The following PTPN2 variants were observed in gnomAD, a reference collection of about 807,000 sequenced individuals.
The protein encoded by PTPN2 is protein tyrosine phosphatase non-receptor type 2.
A neutral mutation model predicts 57.3 loss-of-function variants in PTPN2; 19 were observed. The observed-to-expected ratio is 0.33, with a 90% confidence interval of 0.23 to 0.49. PTPN2 has a LOEUF of 0.49. Among genes scored for constraint, PTPN2 ranks in the 20% least tolerant of loss-of-function variants. PTPN2 has a pLI of 0.99. For missense variants in PTPN2, 358 were observed against 501.1 expected, an observed-to-expected ratio of 0.71 and a Z score of 2.73; for synonymous variants, 153 against 164.9, an observed-to-expected ratio of 0.93 and a Z score of 0.55.
At chr18:12,851,217 C>T (rs1275024244) in intron 2 of PTPN2, among the ~76,000 whole-genome samples, 134 of 8,820 alleles carry the variant, frequency 0.015, 57 homozygotes, top group Non-Finnish European at 0.063. Context: ...CGGTGGCTCA[C>T]GCCTGTAATC....
At chr18:12,816,128 G>C (rs960602099) in intron 6 of PTPN2, among the ~76,000 whole-genome samples, 2 of 152,078 alleles carry the variant, frequency 1.3e-5, no homozygotes, top group African/African-American at 2.4e-5. Context: ...AGATAGTGAG[G>C]CCTTGTCTCT....
Position 12,851,485 on chromosome 18 carries a change from C to CAAAAA in PTPN2, c.160+7674_160+7678dup, listed in dbSNP as rs1218202992. 1.6e-3 allele frequency among the ~76,000 whole-genome samples: 16 copies of CAAAAA among 9,910 alleles called. 5 individuals are homozygous for CAAAAA. In the East Asian group the frequency reaches 0.024, roughly 15 times the overall value. 6.5% of individuals were successfully genotyped at this position (9,910 alleles called of 152,430 possible). A position where few individuals can be genotyped will look rare whatever the true frequency, so the allele number is the denominator to read the frequency against. Reference sequence around the variant, plus strand: ...TGGGCGACAGAGCGAGACTCCGTCTCAAAAAAAAAAAAAAAAAAAGAAAAA... The same window carrying CAAAAA: ...TGGGCGACAGAGCGAGACTCCGTCTCAAAAAAAAAAAAAAAAAAAAAAAAGAAAAA... On this transcript the variant is annotated intron_variant, in intron 2 of 8. Transcript: ENST00000309660.
At chr18:12,851,094 T>A (rs992682973) in intron 2 of PTPN2, among the ~76,000 whole-genome samples, 1 of 152,214 alleles carries the variant, frequency 6.6e-6, no homozygotes, top group Non-Finnish European at 1.5e-5. Flanking sequence ...GTCCATTTTT[T>A]ACAAATAGAC....
At chr18:12,815,487 G>C (rs1348636954) in intron 6 of PTPN2, among the ~76,000 whole-genome samples, 3 of 152,038 alleles carry the variant, frequency 2.0e-5, no homozygotes, top group African/African-American at 2.4e-5. Flanking sequence ...CAAAAGCCCA[G>C]ATCCACGATA....
chr18:12,826,992 G>C (rs1361897481), intron 4 of PTPN2, among the ~76,000 whole-genome samples: 2 of 152,024 alleles, frequency 1.3e-5, no homozygotes, highest in South Asian at 2.1e-4. Context: ...TAACGTCATG[G>C]GACATTCACT....
At chr18:12,805,448 C>T (rs2041608787) in intron 7 of PTPN2, among the ~76,000 whole-genome samples, 1 of 149,316 alleles carries the variant, frequency 6.7e-6, no homozygotes, top group Non-Finnish European at 1.5e-5. Context: ...CAGAGCAAGA[C>T]TCTGTCTCAA....
At chr18:12,807,567 G>GTAAA (rs1568092691) in intron 7 of PTPN2, among the ~76,000 whole-genome samples, 1 of 5,228 alleles carries the variant, frequency 1.9e-4, no homozygotes, top group Non-Finnish European at 1.2e-3. Flanking sequence ...AAGAAAATGT[G>GTAAA]GAAAAAAAAA....
At chr18:12,790,270 G>T (rs889663470), downstream of PTPN2, among the ~76,000 whole-genome samples, 1 of 152,088 alleles carries the variant, frequency 6.6e-6, no homozygotes, top group Non-Finnish European at 1.5e-5. Context: ...ATCAAGGCAG[G>T]CTAGATTTTT....
In PTPN2 at chr18:12,884,195, GC is replaced by G. The variant is rs1252947616; in HGVS notation, c.-55del. ...AGCCTGCGCCGGCGGAGAGGCTCAG[GC>G]CCCGCACGATCCGGGGAGAGCGCTG... On this transcript the variant is annotated 5_prime_UTR_variant, in exon 1 of 9. It removes the in-frame stop codon of an upstream open reading frame in the 5' UTR. Transcript: ENST00000309660. 1.4e-6 allele frequency: 2 copies of G among 1,441,378 alleles called. No individual in the cohort carries two copies. The highest frequency in any genetic ancestry group is 2.2e-5 in the Admixed American group (1 of 45,358). The allele number at this position is 1,441,378 out of a possible 1,614,324, so 89.3% of individuals were successfully genotyped here. A position where few individuals can be genotyped will look rare whatever the true frequency, so the allele number is the denominator to read the frequency against.
chr18:12,841,999 TG>T (rs2043061523), intron 2 of PTPN2, among the ~76,000 whole-genome samples: 1 of 151,886 alleles, frequency 6.6e-6, no homozygotes, highest in African/African-American at 2.4e-5. Context: ...CTCCACCTCC[TG>T]GGTTCAAGCA....
In PTPN2 at chr18:12,802,065, C is replaced by T. The variant is rs201045955; in HGVS notation, c.945G>A (p.Gly315=). Residue 315 remains glycine (G), a synonymous_variant, in exon 8 of 9, where the codon GGG becomes GGA. Coordinates refer to ENST00000309660, the MANE Select transcript of PTPN2 (RefSeq NM_002828.4). ...TTTCTTCTTCTAGACCTATTCTGTT[C>T]CCATTGTATTTTTCAGTCATTATTT... ...PNKIMTEKYN[G]NRIGLEEEKL... The T allele has an allele frequency of 5.0e-5, 81 of 1,612,598 alleles. No homozygotes were observed. In the East Asian group the frequency reaches 1.4e-3, roughly 28 times the overall value.
At chr18:12,803,693 T>G (rs925357422) in intron 7 of PTPN2, among the ~76,000 whole-genome samples, 2 of 152,212 alleles carry the variant, frequency 1.3e-5, no homozygotes, top group Non-Finnish European at 2.9e-5. Context: ...TTTAAATATC[T>G]ATGCACACAA....
At chr18:12,786,233 A>G (rs992996121) in intron 9 of PTPN2, 3 of 190,272 alleles carry the variant, frequency 1.6e-5, no homozygotes, top group African/African-American at 2.4e-5. Flanking sequence ...TGCTAGACTT[A>G]CCAATACTTT....
intron 6 of PTPN2, among the ~76,000 whole-genome samples, chr18:12,816,712 G>A (rs1258338665): frequency 6.6e-6 from 1 of 152,104 alleles, no homozygotes; most frequent in Non-Finnish European, 1.5e-5. Flanking sequence ...GAAAACATCA[G>A]GGACTCTTCT....
At chr18:12,798,036 G>A (rs912764445) in intron 8 of PTPN2, among the ~76,000 whole-genome samples, 1 of 152,076 alleles carries the variant, frequency 6.6e-6, no homozygotes, top group Non-Finnish European at 1.5e-5. Context: ...CAGACTTTTC[G>A]TATGTCCAAG....
intron 7 of PTPN2, among the ~76,000 whole-genome samples, chr18:12,808,467 A>G (rs1463086404): frequency 1.3e-5 from 2 of 152,140 alleles, no homozygotes; most frequent in Non-Finnish European, 2.9e-5. Context: ...ATAAATATGT[A>G]CAATTACTAA....
intron 2 of PTPN2, among the ~76,000 whole-genome samples, chr18:12,846,634 G>A (rs1259962612): frequency 2.6e-5 from 4 of 152,178 alleles, no homozygotes; most frequent in Admixed American, 1.3e-4. Context: ...TGTCGCAGAC[G>A]TGGAACCAGC....
chr18:12,870,619 C>T (rs992254849), intron 1 of PTPN2, among the ~76,000 whole-genome samples: 2 of 147,192 alleles, frequency 1.4e-5, no homozygotes, highest in East Asian at 4.1e-4. Context: ...CACCATTCTC[C>T]TGCCTCAGCC....
chr18:12,815,085 AAAATAAATAAATAAATAAATAAAT>A (rs199758431), intron 6 of PTPN2, among the ~76,000 whole-genome samples: 44,840 of 137,024 alleles, frequency 0.33, 8,447 homozygotes, highest in Middle Eastern at 0.42. Context: ...CTCCATCTCA[AAAATAAATAAATAAATAAATAAAT>A]AAATAAATAA....
Sources: gnomAD v4.1 joint callset for allele counts (sites outside exome capture counted in the v4.1 genomes callset) on GRCh38, gnomAD v4.1.1 for gene constraint, MANE v1.5 for transcripts, NCBI Gene and HGNC (gene_info 2026-07-23, HGNC 2026-07-21) for gene names.